Variants in ABCC5 observed in about 807,000 individuals in gnomAD.
ABCC5 encodes ATP-binding cassette sub-family C member 5.
Under a neutral mutation model 160.9 loss-of-function variants are expected in ABCC5, and 61 were observed. The ratio of observed to expected loss-of-function variants is 0.38; its 90% confidence interval spans 0.31 to 0.47. The LOEUF is 0.47. ABCC5 is among the 20% of genes least tolerant of loss of function. The probability of loss-of-function intolerance (pLI) is 0.99; values close to 1 mark genes in which losing one functional copy is unlikely to be tolerated. For missense variants in ABCC5, 1,308 were observed against 1,813.3 expected (o/e 0.72, Z 5.06); for synonymous variants, 666 against 700.6 (o/e 0.95, Z 0.78).
At chr3:184,004,925 T>C (rs552110219) in intron 2 of ABCC5, among the ~76,000 whole-genome samples, 2 of 152,334 alleles carry the variant, frequency 1.3e-5, no homozygotes, top group South Asian at 2.1e-4. Context: ...CATAATAACA[T>C]ACAAATCCTT....
At chr3:183,983,661 A>G (rs1422979139) in intron 5 of ABCC5, 1 of 866,550 alleles carries the variant, frequency 1.2e-6, no homozygotes, top group African/African-American at 1.8e-5. Context: ...GCCCCCAAGA[A>G]CCACCGAGTG....
chr3:184,004,601 CTT>C, intron 2 of ABCC5, among the ~76,000 whole-genome samples: 1 of 151,760 alleles, frequency 6.6e-6, no homozygotes, highest in East Asian at 1.9e-4. Context: ...TAGTACAAGG[CTT>C]TCTGGGTTCC....
chr3:184,014,098 C>G (rs1251003025), intron 2 of ABCC5, among the ~76,000 whole-genome samples, 166 bp downstream of exon 2: 1 of 152,166 alleles, frequency 6.6e-6, no homozygotes, highest in African/African-American at 2.4e-5. Flanking sequence ...GTCTCGAACT[C>G]CTGACCTCAG....
rs368494058 is a variant in ABCC5, at chr3:183,989,313, G to C, written c.200C>G (p.Ser67Cys). ...EGLSLDASMH[S>C]QLRILDEEHP... is the part of the protein sequence containing the mutation. ...CTCCTCATCCAGGATTCTGAGCTGAGAATGCATGGAGGCATCAAGAGAGAG... is the reference window on the plus strand; with the variant it reads ...CTCCTCATCCAGGATTCTGAGCTGACAATGCATGGAGGCATCAAGAGAGAG... The change falls in exon 3 of 30, where the codon TCT becomes TGT. Residue 67 changes from serine (S) to cysteine (C), a missense_variant. This residue lies in a region of ABCC5 where 1,142 missense variants were observed against 1,527.1 expected (regional missense o/e 0.75). Coordinates refer to ENST00000334444, the MANE Select transcript of ABCC5 (RefSeq NM_005688.4). 3 of 1,614,156 alleles carry C rather than the reference G, an allele frequency of 1.9e-6. No individual in the cohort carries two copies. Among genetic ancestry groups the C allele is most frequent in the African/African-American group, 2.7e-5 (2 of 75,044 alleles).
chr3:183,995,469 T>C (rs1003235466), intron 2 of ABCC5, among the ~76,000 whole-genome samples: 12 of 152,198 alleles, frequency 7.9e-5, no homozygotes, highest in African/African-American at 2.9e-4. Flanking sequence ...TTGTATAAAG[T>C]GTAAGGTTTC....
intron 26 of ABCC5, among the ~76,000 whole-genome samples, chr3:183,937,671 T>A (rs1162130372): frequency 6.6e-6 from 1 of 152,218 alleles, no homozygotes; most frequent in Non-Finnish European, 1.5e-5. Flanking sequence ...CTCTCTGGCC[T>A]CTTCAGCACT....
intron 5 of ABCC5, chr3:183,983,962 A>C: frequency 5.1e-6 from 5 of 985,434 alleles, no homozygotes; most frequent in Non-Finnish European, 4.8e-6. Context: ...AATAGAACCC[A>C]TATCTGTTTC....
At position 183,953,162 on chromosome 3, in the gene ABCC5, G is replaced by A. The variant is rs757821402; in HGVS notation, c.2591C>T (p.Ala864Val). 1.2e-6 allele frequency: 2 copies of A among 1,614,096 alleles called. No homozygotes were observed. The highest frequency in any genetic ancestry group is 1.7e-5 in the Admixed American group (1 of 60,010). The part of the protein sequence containing the change: ...GGPLAFLVIM[A>V]LFMLNVGSTA... ...GCTGCCTACATTCAGCATGAAAAGG[G>A]CCATAATAACCAGGAATGCCAAGGG... is the stretch of plus-strand genomic sequence containing the variant. Residue 864 changes from alanine (A) to valine (V), a missense_variant, in exon 18 of 30, where the codon GCC becomes GTC. By Grantham distance (64) the Ala-to-Val change is moderately conservative (BLOSUM62 0). Around this residue, in one of 3 missense-constraint regions of ABCC5, gnomAD observed 1,142 missense variants for 1,527.1 expected, o/e 0.75. Transcript: ENST00000334444.
intron 2 of ABCC5, among the ~76,000 whole-genome samples, chr3:183,996,995 A>G (rs956842274): frequency 5.9e-5 from 9 of 152,192 alleles, no homozygotes; most frequent in Non-Finnish European, 1.3e-4. Context: ...CCTTTGAAGG[A>G]ACCACTGTCC....
intron 29 of ABCC5, among the ~76,000 whole-genome samples, chr3:183,922,103 G>C (rs905941856): frequency 3.3e-5 from 5 of 152,052 alleles, no homozygotes; most frequent in Non-Finnish European, 5.9e-5. Flanking sequence ...TGGGTGCGGT[G>C]GTTGATGCCT....
intron 1 of ABCC5, among the ~76,000 whole-genome samples, chr3:184,016,137 G>A (rs1722172151): frequency 6.6e-6 from 1 of 152,150 alleles, no homozygotes; most frequent in African/African-American, 2.4e-5. Flanking sequence ...AGAATCAGTG[G>A]AGCACAGGAG....
At chr3:184,015,953 C>T (rs985746437) in intron 1 of ABCC5, among the ~76,000 whole-genome samples, 1 of 152,174 alleles carries the variant, frequency 6.6e-6, no homozygotes, top group Non-Finnish European at 1.5e-5. Flanking sequence ...ATTAGTACTA[C>T]CTTTTTAAAA....
chr3:184,000,976 T>C (rs1720699298), intron 2 of ABCC5: 2 of 385,238 alleles, frequency 5.2e-6, no homozygotes, highest in Non-Finnish European at 9.1e-6. Context: ...AAGTAGGCAG[T>C]GTACAGTGGC....
intron 2 of ABCC5, among the ~76,000 whole-genome samples, chr3:183,993,620 T>C (rs1045297618): frequency 2.6e-5 from 4 of 152,204 alleles, no homozygotes; most frequent in Admixed American, 6.5e-5. Flanking sequence ...CATTTACCTT[T>C]ATCATATCAT....
At position 183,953,228 on chromosome 3, in the gene ABCC5, G is replaced by A. The variant is rs368914224; in HGVS notation, c.2525C>T (p.Pro842Leu). ...QLEEKGQGSV[P>L]WSVYGVYIQA... Reference sequence around the variant, plus strand: ...GATGTAGACACCATATACTGACCAGGGCACTGAACCCTGCCCTTTCTCTTC... The same window carrying A: ...GATGTAGACACCATATACTGACCAGAGCACTGAACCCTGCCCTTTCTCTTC... Residue 842 changes from proline (P) to leucine (L), a missense_variant, in exon 18 of 30, where the codon CCC becomes CTC. Pro to Leu is a moderately conservative substitution (Grantham distance 98). Transcript: ENST00000334444. 1.9e-6 allele frequency: 3 copies of A among 1,613,514 alleles called. No homozygotes were observed. Among genetic ancestry groups the A allele is most frequent in the Non-Finnish European group, 2.5e-6 (3 of 1,179,780 alleles).
At chr3:183,932,829 T>C (rs769097231) in intron 26 of ABCC5, among the ~76,000 whole-genome samples, 1 of 152,068 alleles carries the variant, frequency 6.6e-6, no homozygotes, top group Non-Finnish European at 1.5e-5. Flanking sequence ...AACAATGGTG[T>C]CTGTCTTATG....
intron 17 of ABCC5, among the ~76,000 whole-genome samples, chr3:183,956,615 C>CGG (rs1438533291): frequency 2.5e-4 from 37 of 148,494 alleles, no homozygotes; most frequent in Admixed American, 5.4e-4. Context: ...TATATCACAT[C>CGG]TGTTACATGC....
chr3:183,951,515 C>T lies in ABCC5; in HGVS notation c.2870G>A (p.Arg957Gln), dbSNP rs766169066. 16 of 1,614,042 alleles carry T rather than the reference C, an allele frequency of 9.9e-6. No individual in the cohort carries two copies. The highest frequency in any genetic ancestry group is 3.3e-5 in the South Asian group (3 of 91,078). ...LHDELFRRILRSPMKFFDTTP... is the reference protein window; with the variant it reads ...LHDELFRRILQSPMKFFDTTP... Reference sequence around the variant, plus strand: ...CGTGTCAAAAAACTTCATAGGGCTTCGAAGGATCCTTCGGAAAAGCTCGTC... The same window carrying T: ...CGTGTCAAAAAACTTCATAGGGCTTTGAAGGATCCTTCGGAAAAGCTCGTC... Residue 957 changes from arginine to glutamine, a missense_variant, in exon 20 of 30, where the codon CGA (arginine) becomes CAA (glutamine). This residue lies in a region of ABCC5 where 1,142 missense variants were observed against 1,527.1 expected (regional missense o/e 0.75). Transcript: ENST00000334444. This position sits in a 1 kb window ranked among gnomAD's most constrained non-coding sequence, Gnocchi z 4.7.
intron 22 of ABCC5, among the ~76,000 whole-genome samples, chr3:183,948,340 C>T (rs1715039853): frequency 6.6e-6 from 1 of 152,106 alleles, no homozygotes; most frequent in Non-Finnish European, 1.5e-5. Flanking sequence ...TATTCCGCTG[C>T]ATTTCCTCCC....
Sources: allele counts gnomAD v4.1 joint callset (sites outside exome capture counted in the v4.1 genomes callset), GRCh38; gene constraint gnomAD v4.1.1; regional missense constraint gnomAD v4.1.1; non-coding constraint Gnocchi (gnomAD v3.1); transcripts MANE v1.5; gene names NCBI Gene and HGNC (gene_info 2026-07-23, HGNC 2026-07-21).